ANO6: variants seen among roughly 807,000 people sequenced by gnomAD.
ANO6 encodes anoctamin 6, also known as anoctamin-6.
In ANO6, 106 loss-of-function variants were observed where a neutral mutation model predicts 117.5. The ratio of observed to expected loss-of-function variants is 0.90; its 90% CI spans 0.77 to 1.06. ANO6 has a LOEUF of 1.06. Among genes scored for constraint, ANO6 ranks in the 50% least tolerant of loss-of-function variants. The pLI is 0.00. For missense variants in ANO6, 955 were observed against 1,121.1 expected, an observed-to-expected ratio of 0.85 and a Z score of 2.12; for synonymous variants, 367 against 385.1, an observed-to-expected ratio of 0.95 and a Z score of 0.55.
Position 45,216,372 on chromosome 12 carries a change from C to T in ANO6, c.51C>T (p.Asp17=). Residue 17 remains aspartate, a synonymous_variant, in exon 1 of 20, where the codon GAC becomes GAT. Coordinates refer to ENST00000320560, the MANE Select transcript of ANO6 (RefSeq NM_001025356.3). ...TGCTACAAATGGAGGAGGAGGAGGACGACGACGATGGGGATATCGGTGAGC... is the reference window on the plus strand; with the variant it reads ...TGCTACAAATGGAGGAGGAGGAGGATGACGACGATGGGGATATCGGTGAGC... ...NVLLQMEEEE[D]DDDGDIVLEN... is the part of the protein sequence containing the mutation. 1 of 1,612,762 alleles carries T rather than the reference C, an allele frequency of 6.2e-7. No individual in the cohort carries two copies. The highest frequency in any genetic ancestry group is 8.5e-7 in the Non-Finnish European group (1 of 1,179,400).
chr12:45,332,321 C>T (rs902025829), intron 3 of ANO6, among the ~76,000 whole-genome samples: 1 of 151,924 alleles, frequency 6.6e-6, no homozygotes, highest in East Asian at 1.9e-4. Context: ...CACACACACA[C>T]ACACACACAC....
At chr12:45,258,695 A>T (rs904581567) in intron 1 of ANO6, among the ~76,000 whole-genome samples, 3 of 151,998 alleles carry the variant, frequency 2.0e-5, no homozygotes, top group Admixed American at 2.0e-4. Context: ...TGTCTAGTTT[A>T]TTGCCACTCC....
chr12:45,280,121 C>T (rs1165496023), intron 1 of ANO6, among the ~76,000 whole-genome samples: 1 of 152,200 alleles, frequency 6.6e-6, no homozygotes, highest in Non-Finnish European at 1.5e-5. Context: ...CCCTTTTGCC[C>T]TCTGGCAAGG....
chr12:45,270,317 G>A (rs1347386877), intron 1 of ANO6: 47 of 1,173,198 alleles, frequency 4.0e-5, no homozygotes, highest in Admixed American at 8.1e-5. Flanking sequence ...AGGAAAATGA[G>A]AGCAAAAATG....
intron 1 of ANO6, among the ~76,000 whole-genome samples, chr12:45,222,084 G>A (rs575372199): frequency 1.5e-4 from 22 of 151,472 alleles, no homozygotes; most frequent in South Asian, 8.4e-4. Flanking sequence ...GGGTTTCACC[G>A]TGTTAATCAG....
At chr12:45,278,613 T>G (rs899380801) in intron 1 of ANO6, among the ~76,000 whole-genome samples, 1 of 152,238 alleles carries the variant, frequency 6.6e-6, no homozygotes, top group Non-Finnish European at 1.5e-5. Context: ...ATCTTGTCCT[T>G]ATTTCATGGA....
intron 1 of ANO6, among the ~76,000 whole-genome samples, chr12:45,265,145 G>A (rs1327991515): frequency 1.3e-5 from 2 of 152,090 alleles, no homozygotes; most frequent in Non-Finnish European, 2.9e-5. Context: ...TTAATTTTGT[G>A]TTTCAAAACT....
At chr12:45,332,708 C>T (rs920618364) in intron 3 of ANO6, among the ~76,000 whole-genome samples, 5 of 152,004 alleles carry the variant, frequency 3.3e-5, no homozygotes, top group Non-Finnish European at 4.4e-5. Flanking sequence ...GGCCTCTGTC[C>T]TTTGCAGTTA....
In ANO6 at chr12:45,367,828, G is replaced by C. The variant is rs1425466935; in HGVS notation, c.1104+35G>C. 13 of 1,482,040 alleles carry C rather than the reference G, an allele frequency of 8.8e-6. No homozygotes were observed. In the Admixed American group the frequency reaches 2.2e-4, roughly 25 times the overall value. The allele number at this position is 1,482,040 out of a possible 1,614,324, so 91.8% of individuals were successfully genotyped here. A position where few individuals can be genotyped will look rare whatever the true frequency, so the allele number is the denominator to read the frequency against. ...GCTATTGCCAATATTTACACCTAAT[G>C]AAAGATTTTTTTTCTAATGCTAATT... On this transcript the variant is annotated intron_variant, in intron 9 of 19. Coordinates refer to ENST00000320560, the MANE Select transcript of ANO6 (RefSeq NM_001025356.3).
At position 45,432,035 on chromosome 12, in the gene ANO6, T is replaced by C. The variant is rs1047666245; in HGVS notation, c.*2724T>C. The C allele has an allele frequency of 7.1e-6, 7 of 985,282 alleles. No individual in the cohort carries two copies. The African/African-American group carries it at 1.2e-4, about 17-fold the overall frequency. 61.0% of individuals were successfully genotyped at this position (985,282 alleles called of 1,614,324 possible). The stretch of plus-strand genomic sequence containing the variant: ...AAACTGTCACCAAAGTCTTCCCTTT[T>C]TTATTGCATGTGTGCCTTGAATTTC... On this transcript the variant is annotated 3_prime_UTR_variant, in exon 20 of 20. Coordinates refer to ENST00000320560, the MANE Select transcript of ANO6 (RefSeq NM_001025356.3).
intron 8 of ANO6, among the ~76,000 whole-genome samples, chr12:45,365,623 ACTT>A (rs952895226): frequency 3.3e-5 from 5 of 152,014 alleles, no homozygotes; most frequent in East Asian, 3.9e-4. Flanking sequence ...GCTTTAGACT[ACTT>A]CTTCCCCCTT....
intron 8 of ANO6, 82 bp downstream of exon 8, chr12:45,357,506 T>A: frequency 6.5e-7 from 1 of 1,530,594 alleles, no homozygotes; most frequent in Non-Finnish European, 9.0e-7. Flanking sequence ...ACTGTTTTGG[T>A]AAGACAAGAC....
chr12:45,419,899 T>G (rs1943313407), intron 17 of ANO6, among the ~76,000 whole-genome samples: 1 of 151,796 alleles, frequency 6.6e-6, no homozygotes, highest in Non-Finnish European at 1.5e-5. Flanking sequence ...ACTCCTTTTA[T>G]CTAGGAACAT....
chr12:45,333,753 T>G (rs1940743213), intron 3 of ANO6, among the ~76,000 whole-genome samples: 1 of 152,078 alleles, frequency 6.6e-6, no homozygotes, highest in South Asian at 2.1e-4. Context: ...AACTTTGGAA[T>G]CATGTTTTTC....
intron 2 of ANO6, among the ~76,000 whole-genome samples, chr12:45,320,701 T>C (rs189221079): frequency 4.8e-4 from 73 of 152,336 alleles, no homozygotes; most frequent in Non-Finnish European, 9.4e-4. Flanking sequence ...TTGATCTGTC[T>C]AATGTTGACA....
At chr12:45,219,155 G>C (rs1419963355) in intron 1 of ANO6, among the ~76,000 whole-genome samples, 1 of 151,972 alleles carries the variant, frequency 6.6e-6, no homozygotes, top group Non-Finnish European at 1.5e-5. Context: ...GCGTTATAAT[G>C]GCCTAATTTG....
chr12:45,293,781 C>T (rs1939197334), intron 1 of ANO6, among the ~76,000 whole-genome samples: 1 of 106,348 alleles, frequency 9.4e-6, no homozygotes. Flanking sequence ...GACAGGGTTT[C>T]ACCGTGTTAG....
intron 1 of ANO6, among the ~76,000 whole-genome samples, chr12:45,245,712 A>G (rs965113809): frequency 9.9e-5 from 15 of 152,146 alleles, no homozygotes; most frequent in Non-Finnish European, 1.9e-4. Context: ...GTTGAACTGC[A>G]ATAATGCACT....
At chr12:45,228,531 C>G (rs1317627266) in intron 1 of ANO6, among the ~76,000 whole-genome samples, 1 of 151,958 alleles carries the variant, frequency 6.6e-6, no homozygotes, top group African/African-American at 2.4e-5. Flanking sequence ...GAAGTTATAG[C>G]TTTTATTACA....
Sources: allele counts gnomAD v4.1 joint callset (sites outside exome capture counted in the v4.1 genomes callset), GRCh38; gene constraint gnomAD v4.1.1; transcripts MANE v1.5; gene names NCBI Gene and HGNC (gene_info 2026-07-23, HGNC 2026-07-21).